Variants in TRAF3 observed in about 807,000 individuals in gnomAD.
TRAF3 encodes the protein TNF receptor associated factor 3.
TRAF3 carries 13 observed loss-of-function variants against 62.3 expected under a neutral mutation model. The ratio of observed to expected loss-of-function variants is 0.21; its 90% CI spans 0.14 to 0.33. TRAF3 has a LOEUF of 0.33. Ranked by LOEUF, TRAF3 falls within the 10% of genes least tolerant of loss-of-function variation. TRAF3 has a pLI of 1.00. For synonymous variants in TRAF3, 269 were observed against 283.4 expected (o/e 0.95, Z 0.51); for missense variants, 440 against 741.8 (o/e 0.59, Z 4.73).
chr14:102,849,434 T>C (rs1886907181), intron 2 of TRAF3, among the ~76,000 whole-genome samples: 1 of 152,270 alleles, frequency 6.6e-6, no homozygotes, highest in African/African-American at 2.4e-5. Context: ...ACAGTGTCTT[T>C]GCATATAATA....
At chr14:102,814,079 T>A (rs932845218) in intron 1 of TRAF3, among the ~76,000 whole-genome samples, 1 of 152,218 alleles carries the variant, frequency 6.6e-6, no homozygotes, top group Non-Finnish European at 1.5e-5. Context: ...TAGTTCATTT[T>A]TGTATAGGAT....
chr14:102,817,653 T>C (rs939652073), intron 1 of TRAF3, among the ~76,000 whole-genome samples: 7 of 152,178 alleles, frequency 4.6e-5, no homozygotes, highest in Admixed American at 1.3e-4. Context: ...AGAGGTATTA[T>C]AGGTATGCTA....
intron 2 of TRAF3, among the ~76,000 whole-genome samples, chr14:102,837,036 A>G (rs1886053008): frequency 6.6e-6 from 1 of 151,990 alleles, no homozygotes; most frequent in Non-Finnish European, 1.5e-5. Context: ...ATCCAGATGC[A>G]TTTGGATGAT....
At chr14:102,848,591 A>G (rs1260185486) in intron 2 of TRAF3, among the ~76,000 whole-genome samples, 2 of 152,246 alleles carry the variant, frequency 1.3e-5, no homozygotes, top group Middle Eastern at 3.2e-3. Flanking sequence ...TCATGATCTC[A>G]TAATAGTACC....
intron 1 of TRAF3, among the ~76,000 whole-genome samples, chr14:102,806,611 C>T (rs1164365732): frequency 6.6e-6 from 1 of 152,188 alleles, no homozygotes; most frequent in Non-Finnish European, 1.5e-5. Context: ...CGGGCACCCT[C>T]CTGTGTACCA....
chr14:102,821,501 C>T (rs766702317), intron 1 of TRAF3, among the ~76,000 whole-genome samples: 6 of 152,160 alleles, frequency 3.9e-5, no homozygotes, highest in Non-Finnish European at 5.9e-5. Flanking sequence ...TTAATATTTG[C>T]AAGTCGTTTA....
At chr14:102,820,004 A>C (rs944618762) in intron 1 of TRAF3, among the ~76,000 whole-genome samples, 10 of 152,220 alleles carry the variant, frequency 6.6e-5, no homozygotes, top group African/African-American at 2.4e-4. Flanking sequence ...AATACAAAGG[A>C]AGAAAACATC....
At chr14:102,874,073 A>G (rs1888499686) in intron 4 of TRAF3, among the ~76,000 whole-genome samples, 2 of 152,202 alleles carry the variant, frequency 1.3e-5, no homozygotes, top group Admixed American at 1.3e-4. Context: ...CAGAGTGGGC[A>G]GCATATGGAG....
intron 1 of TRAF3, among the ~76,000 whole-genome samples, chr14:102,828,465 A>G (rs772864447): frequency 6.6e-6 from 1 of 152,202 alleles, no homozygotes; most frequent in Non-Finnish European, 1.5e-5. Context: ...CTGGCACAGC[A>G]TGTCCTGCAG....
At position 102,907,096 on chromosome 14, in the gene TRAF3, A is replaced by T. The variant is rs1398724951; in HGVS notation, c.*1312A>T. The T allele has an allele frequency of 6.6e-6, 1 of 152,134 alleles. No homozygotes were observed. Among genetic ancestry groups the T allele is most frequent in the Admixed American group, 6.5e-5 (1 of 15,282 alleles). 9.4% of individuals were successfully genotyped at this position (152,134 alleles called of 1,614,324 possible). A position where few individuals can be genotyped will look rare whatever the true frequency, so the allele number is the denominator to read the frequency against. ...CTGGAGCCTCCGCTGCTTAATTACC[A>T]CAGATTCCAAATCTCTAGGCCCCAC... On this transcript the variant is annotated 3_prime_UTR_variant, in exon 12 of 12. Transcript: ENST00000392745.
chr14:102,809,816 C>G (rs1454754805), intron 1 of TRAF3, among the ~76,000 whole-genome samples: 1 of 152,120 alleles, frequency 6.6e-6, no homozygotes, highest in African/African-American at 2.4e-5. Flanking sequence ...AGGCATGAGC[C>G]ACCGCGCTTG....
chr14:102,835,479 G>A (rs570925336), intron 2 of TRAF3, among the ~76,000 whole-genome samples: 1 of 152,270 alleles, frequency 6.6e-6, no homozygotes, highest in South Asian at 2.1e-4. Context: ...ATTCACAATA[G>A]CAAAGACATG....
intron 2 of TRAF3, among the ~76,000 whole-genome samples, chr14:102,844,569 C>T (rs1222497911): frequency 6.6e-6 from 1 of 152,094 alleles, no homozygotes; most frequent in Non-Finnish European, 1.5e-5. Context: ...TTGGAGTCAG[C>T]GCCCCTGGAA....
intron 6 of TRAF3, among the ~76,000 whole-genome samples, chr14:102,883,136 T>C (rs1889162311): frequency 6.6e-6 from 1 of 152,170 alleles, no homozygotes; most frequent in Non-Finnish European, 1.5e-5. Flanking sequence ...CCAGGAAATG[T>C]GGCCAGGTGT....
At chr14:102,817,031 G>A (rs1194615942) in intron 1 of TRAF3, among the ~76,000 whole-genome samples, 2 of 152,156 alleles carry the variant, frequency 1.3e-5, no homozygotes, top group East Asian at 1.9e-4. Context: ...ATTGGATGGT[G>A]CCATTTCCTG....
chr14:102,800,756 T>C (rs371034497), intron 1 of TRAF3, among the ~76,000 whole-genome samples: 1 of 149,970 alleles, frequency 6.7e-6, no homozygotes, highest in Non-Finnish European at 1.5e-5. Context: ...GAATCAGTGG[T>C]GTGATCAAAG....
chr14:102,793,043 C>T (rs1375521915), intron 1 of TRAF3, among the ~76,000 whole-genome samples: 1 of 152,084 alleles, frequency 6.6e-6, no homozygotes, highest in African/African-American at 2.4e-5. Flanking sequence ...CACGTGGTCT[C>T]ATGTGATCCA....
intron 1 of TRAF3, among the ~76,000 whole-genome samples, chr14:102,779,644 T>A (rs2140043162): frequency 6.6e-6 from 1 of 152,360 alleles, no homozygotes; most frequent in African/African-American, 2.4e-5. Flanking sequence ...ATGCTAATGA[T>A]ATTGTCAGGT....
At chr14:102,861,777 AT>A (rs1887693157) in intron 2 of TRAF3, among the ~76,000 whole-genome samples, 1 of 152,204 alleles carries the variant, frequency 6.6e-6, no homozygotes, top group African/African-American at 2.4e-5. Context: ...AGAGCAGCCG[AT>A]TTGTATTTTC....
Sources: allele counts gnomAD v4.1 joint callset (sites outside exome capture counted in the v4.1 genomes callset), GRCh38; gene constraint gnomAD v4.1.1; transcripts MANE v1.5; gene names NCBI Gene and HGNC (gene_info 2026-07-23, HGNC 2026-07-21).